Variants in DNAH10 observed in about 807,000 individuals in gnomAD.
DNAH10 encodes dynein axonemal heavy chain 10, also known as axonemal beta dynein heavy chain 10.
DNAH10 carries 348 observed loss-of-function variants against 506.6 expected under a neutral mutation model. The observed-to-expected ratio is 0.69, with a 90% CI of 0.63 to 0.75. DNAH10 has a LOEUF of 0.75. Ranked by LOEUF, DNAH10 falls within the 30% of genes least tolerant of loss-of-function variation. The pLI is 0.00. For synonymous variants in DNAH10, 2,059 were observed against 2,198.6 expected (o/e 0.94, Z 1.78); for missense variants, 5,179 against 5,787.1 (o/e 0.89, Z 3.41).
intron 1 of DNAH10, among the ~76,000 whole-genome samples, chr12:123,765,059 C>CGTGTCCTTT (rs1298591423): frequency 6.6e-6 from 1 of 152,022 alleles, no homozygotes; most frequent in East Asian, 1.9e-4. Flanking sequence ...GAGAGCCCAG[C>CGTGTCCTTT]GTGTCCTTTG....
chr12:123,874,255 G>A (rs1466258462), intron 46 of DNAH10, among the ~76,000 whole-genome samples: 1 of 135,330 alleles, frequency 7.4e-6, no homozygotes, highest in South Asian at 2.6e-4. Context: ...TGCAAAGCCA[G>A]AGTCCGTCCG....
intron 76 of DNAH10, 48 bp downstream of exon 76, chr12:123,932,156 T>C (rs747444039): frequency 4.0e-5 from 64 of 1,607,956 alleles, no homozygotes; most frequent in Middle Eastern, 2.2e-4. Context: ...GGTGTCAGCC[T>C]AGACTCCTCA....
rs1388420735 is a variant in DNAH10 at position 123,918,779 on chromosome 12, T to A, written c.11336T>A (p.Val3779Asp). 1 of 1,613,500 alleles carries A rather than the reference T, an allele frequency of 6.2e-7. No homozygotes were observed. The highest frequency in any genetic ancestry group is 1.1e-5 in the South Asian group (1 of 91,022). ...AGGAGGGGGGCCATCCTGTTCTTCG[T>A]CCTGTCTGAGATGGCCCTGGTGAAC... The part of the protein sequence containing the change: ...AARRGAILFF[V>D]LSEMALVNSM... Residue 3779 changes from valine to aspartate, a missense_variant, in exon 65 of 79, where the codon GTC becomes GAC. Physicochemically the swap from Val to Asp is radical, Grantham distance 152. Coordinates refer to ENST00000673944, the MANE Select transcript of DNAH10 (RefSeq NM_001372106.1).
chr12:123,931,237 C>T lies in DNAH10; in HGVS notation c.12785-104C>T, dbSNP rs1955191013. 8.0e-6 allele frequency: 12 copies of T among 1,494,570 alleles called. No individual in the cohort carries two copies. In the Admixed American group the frequency reaches 2.4e-4, roughly 30 times the overall value. 92.6% of individuals were successfully genotyped at this position (1,494,570 alleles called of 1,614,324 possible). A position where few individuals can be genotyped will look rare whatever the true frequency, so the allele number is the denominator to read the frequency against. ...AAAAAAAAAAAAGTCACCCTCTAAACAGTGGAAATTAGTCTTGCATGTCTT... is the reference window on the plus strand; with the variant it reads ...AAAAAAAAAAAAGTCACCCTCTAAATAGTGGAAATTAGTCTTGCATGTCTT... On this transcript the variant is annotated intron_variant, in intron 73 of 78. Coordinates refer to ENST00000673944, the MANE Select transcript of DNAH10 (RefSeq NM_001372106.1).
intron 1 of DNAH10, among the ~76,000 whole-genome samples, chr12:123,765,674 A>T (rs1224143597): frequency 6.7e-6 from 1 of 149,632 alleles, no homozygotes; most frequent in East Asian, 2.0e-4. Flanking sequence ...TCTCTCTATT[A>T]TCTATCTACC....
intron 29 of DNAH10, among the ~76,000 whole-genome samples, chr12:123,840,422 T>C (rs1053177868): frequency 1.1e-5 from 1 of 89,836 alleles, no homozygotes; most frequent in Admixed American, 1.1e-4. Flanking sequence ...TTTTTTTTTT[T>C]CAGACAGGGC....
At chr12:123,838,367 C>A (rs1961400576) in intron 28 of DNAH10, 89 bp from the exon 29 acceptor site, 2 of 1,185,108 alleles carry the variant, frequency 1.7e-6, no homozygotes, top group Non-Finnish European at 2.4e-6. Context: ...CGTGCCTGGG[C>A]TCTGGTGAGT....
At chr12:123,912,237 G>A (rs1221627526) in intron 59 of DNAH10, among the ~76,000 whole-genome samples, 4 of 22,364 alleles carry the variant, frequency 1.8e-4, no homozygotes, top group Admixed American at 1.2e-3. Flanking sequence ...CTGTCCTGGG[G>A]GAGTCTGTCC....
At chr12:123,774,380 T>G (rs1019864305) in intron 5 of DNAH10, 116 bp downstream of exon 5, 3 of 740,198 alleles carry the variant, frequency 4.1e-6, no homozygotes, top group Non-Finnish European at 6.5e-6. Flanking sequence ...TTATGGGCAC[T>G]GAGGTGCTGA....
intron 17 of DNAH10, 89 bp from the exon 18 acceptor site, chr12:123,804,744 T>A (rs1958598455): frequency 2.2e-6 from 3 of 1,386,844 alleles, no homozygotes; most frequent in East Asian, 4.6e-5. Context: ...TTGGTTTTTT[T>A]AAGACACACA....
rs747090908 is a variant in DNAH10, at chr12:123,918,778, G to C, written c.11335G>C (p.Val3779Leu). 52 of 1,613,144 alleles carry C rather than the reference G, an allele frequency of 3.2e-5. No homozygotes were observed. Among genetic ancestry groups the C allele is most frequent in the Non-Finnish European group, 4.2e-5 (50 of 1,179,398 alleles). ...AARRGAILFFVLSEMALVNSM... is the reference protein window; with the variant it reads ...AARRGAILFFLLSEMALVNSM... ...CAGGAGGGGGGCCATCCTGTTCTTCGTCCTGTCTGAGATGGCCCTGGTGAA... is the reference window on the plus strand; with the variant it reads ...CAGGAGGGGGGCCATCCTGTTCTTCCTCCTGTCTGAGATGGCCCTGGTGAA... The change falls in exon 65 of 79, where the codon GTC becomes CTC. Residue 3779 changes from valine (V) to leucine (L), a missense_variant. Physicochemically the swap from Val to Leu is conservative, Grantham distance 32. Transcript: ENST00000673944.
intron 49 of DNAH10, 73 bp from the exon 50 acceptor site, chr12:123,879,561 C>T: frequency 6.3e-7 from 1 of 1,587,658 alleles, no homozygotes; most frequent in South Asian, 1.1e-5. Context: ...TAGTACGTAT[C>T]CTCTGCTCCT....
rs1955234876 is a variant in DNAH10, at chr12:123,931,973, G to A, written c.13161G>A (p.Glu4387=). 1 of 1,614,076 alleles carries A rather than the reference G, an allele frequency of 6.2e-7. No homozygotes were observed. The highest frequency in any genetic ancestry group is 8.5e-7 in the Non-Finnish European group (1 of 1,179,904). ...CTGGAGAAGTTGGAATGAGCAATGA[G>A]TTAGATGATGTGGCCAGGTCTCTTT... The part of the protein sequence containing the change: ...ALAGEVGMSN[E]LDDVARSLFI... The change falls in exon 76 of 79, where the codon GAG becomes GAA. Residue 4387 remains glutamate, a synonymous_variant. Coordinates refer to ENST00000673944, the MANE Select transcript of DNAH10 (RefSeq NM_001372106.1).
intron 21 of DNAH10, 82 bp downstream of exon 21, chr12:123,813,994 A>C (rs189456765): frequency 1.5e-6 from 2 of 1,310,524 alleles, no homozygotes; most frequent in African/African-American, 3.0e-5. Context: ...TCTCAAGTAT[A>C]CTGCCATTGA....
chr12:123,930,968 A>G (rs1955177326), intron 73 of DNAH10, among the ~76,000 whole-genome samples: 1 of 152,160 alleles, frequency 6.6e-6, no homozygotes, highest in Admixed American at 6.5e-5. Context: ...AGATCGCTTG[A>G]GCCCAGAAGT....
At chr12:123,910,720 C>T (rs754991279) in intron 59 of DNAH10, 48 bp downstream of exon 59, 18 of 1,599,070 alleles carry the variant, frequency 1.1e-5, no homozygotes, top group Non-Finnish European at 1.5e-5. Flanking sequence ...GGGACCCATT[C>T]AGAGTCAGAA....
rs1491113671 is a variant in DNAH10 at position 123,928,867 on chromosome 12, C to CA, written c.12306+281dup. The CA allele has an allele frequency of 9.9e-6, 4 of 402,786 alleles. No individual in the cohort carries two copies. Among genetic ancestry groups the CA allele is most frequent in the Admixed American group, 5.3e-5 (1 of 18,724 alleles). The allele number at this position is 402,786 out of a possible 1,614,324, so 25.0% of individuals were successfully genotyped here. ...TCATAAACTTCACGGCCCCCCCCCC[C>CA]ACACACAGCCTGCAGTTCGCTAGTG... On this transcript the variant is annotated intron_variant, in intron 70 of 78. Transcript: ENST00000673944. This position sits in a 1 kb window ranked among gnomAD's most constrained non-coding sequence, Gnocchi z 4.9.
intron 10 of DNAH10, 45 bp from the exon 11 acceptor site, chr12:123,789,882 G>A (rs1434546838): frequency 6.4e-7 from 1 of 1,565,018 alleles, no homozygotes; most frequent in East Asian, 2.3e-5. Context: ...ATATTCACAG[G>A]AAAACCCAAA....
Position 123,846,148 on chromosome 12 carries a change from C to T in DNAH10, c.5808C>T (p.Leu1936=), listed in dbSNP as rs757939040. Residue 1936 remains leucine (L), a synonymous_variant, in exon 32 of 79, where the codon CTC becomes CTT. Coordinates refer to ENST00000673944, the MANE Select transcript of DNAH10 (RefSeq NM_001372106.1). This position sits in a 1 kb window ranked among gnomAD's most constrained non-coding sequence, Gnocchi z 4.5. ...TPLTDRIYLT[L]TQALSMYLGG... Reference sequence around the variant, plus strand: ...TCACCGATCGGATTTACCTGACGCTCACCCAGGTGACTGCCAGCCTGGCAC... The same window carrying T: ...TCACCGATCGGATTTACCTGACGCTTACCCAGGTGACTGCCAGCCTGGCAC... The T allele has an allele frequency of 1.2e-6, 2 of 1,610,934 alleles. No individual in the cohort carries two copies. Among genetic ancestry groups the T allele is most frequent in the South Asian group, 1.1e-5 (1 of 90,810 alleles).
Sources: allele counts gnomAD v4.1 joint callset (sites outside exome capture counted in the v4.1 genomes callset), GRCh38; gene constraint gnomAD v4.1.1; non-coding constraint Gnocchi (gnomAD v3.1); transcripts MANE v1.5; gene names NCBI Gene and HGNC (gene_info 2026-07-23, HGNC 2026-07-21).